WNK1: variants seen among roughly 807,000 people sequenced by gnomAD.
The protein encoded by WNK1 is serine/threonine-protein kinase WNK1.
A neutral mutation model predicts 222.8 loss-of-function variants in WNK1; 38 were observed. That is an observed-to-expected ratio of 0.17 (90% CI 0.13 to 0.22). WNK1 has a LOEUF of 0.22. Among genes scored for constraint, WNK1 ranks in the 10% least tolerant of loss-of-function variants. WNK1 has a pLI of 1.00. For missense variants in WNK1, 2,348 were observed against 2,918.4 expected (o/e 0.80, Z 4.50); for synonymous variants, 1,090 against 1,092.9 (o/e 1.00, Z 0.05).
chr12:758,076 T>C (rs1940441678), intron 1 of WNK1, among the ~76,000 whole-genome samples: 1 of 144,288 alleles, frequency 6.9e-6, no homozygotes, highest in Admixed American at 6.8e-5. Context: ...AAAGAAAACA[T>C]TGATGCACAG....
chr12:869,590 A>G (rs1347265196), intron 8 of WNK1, among the ~76,000 whole-genome samples: 2 of 152,312 alleles, frequency 1.3e-5, no homozygotes, highest in South Asian at 2.1e-4. Context: ...CAGAATTTTC[A>G]TTAGTGTCGA....
intron 4 of WNK1, among the ~76,000 whole-genome samples, chr12:837,442 C>T (rs1337392593): frequency 6.6e-6 from 1 of 151,724 alleles, no homozygotes. Context: ...TGCGCGGTGG[C>T]GGGCGCCTGT....
chr12:875,336 A>T (rs538105444), intron 9 of WNK1, among the ~76,000 whole-genome samples: 1 of 152,238 alleles, frequency 6.6e-6, no homozygotes, highest in African/African-American at 2.4e-5. Flanking sequence ...CTCATATTAC[A>T]GGGTTTTCAC....
chr12:883,704 T>C (rs1953390957), intron 16 of WNK1, 70 bp from the exon 17 acceptor site: 4 of 1,599,990 alleles, frequency 2.5e-6, no homozygotes, highest in African/African-American at 2.7e-5. Context: ...TCTTCACATG[T>C]GGCAGTTTGC....
chr12:877,647 C>T (rs1341424564), intron 9 of WNK1, among the ~76,000 whole-genome samples: 1 of 152,130 alleles, frequency 6.6e-6, no homozygotes, highest in Non-Finnish European at 1.5e-5. Flanking sequence ...AATAAGCAAT[C>T]TAAGGCATTA....
rs1324815566 is a variant in WNK1, at chr12:886,035, G to A, written c.5231G>A (p.Gly1744Glu). The change falls in exon 19 of 28, where the codon GGA (glycine) becomes GAA (glutamate). Residue 1744 changes from glycine to glutamate, a missense_variant. This residue lies in a region of WNK1 where 1,144 missense variants were observed against 1,273.6 expected (regional missense o/e 0.90). Transcript: ENST00000315939. ...ACCCCAGTCAGCACTACTACATCAG[G>A]AGTGAAACCTGGAACTGCTCCCTCC... ...VSTPVSTTTS[G>E]VKPGTAPSKP... 2 of 1,600,976 alleles carry A rather than the reference G, an allele frequency of 1.2e-6. No homozygotes were observed. The highest frequency in any genetic ancestry group is 1.7e-6 in the Non-Finnish European group (2 of 1,176,030).
rs747700724 is a variant in WNK1 at position 861,168 on chromosome 12, G to C, written c.1776G>C (p.Gln592His). 19 of 1,613,872 alleles carry C rather than the reference G, an allele frequency of 1.2e-5. No homozygotes were observed. The East Asian group carries it at 3.3e-4, about 28-fold the overall frequency. Residue 592 changes from glutamine (Q) to histidine (H), a missense_variant, in exon 7 of 28, where the codon CAG becomes CAC. By Grantham distance (24) the Gln-to-His change is conservative (BLOSUM62 0). Around this residue, in one of 13 missense-constraint regions of WNK1, gnomAD observed 103 missense variants for 111.5 expected, o/e 0.92. Coordinates refer to ENST00000315939, the MANE Select transcript of WNK1 (RefSeq NM_018979.4). ...KKQEESSLKQ[Q>H]VEQSSASQTG... ...AGGAAGAGAGCAGTCTCAAACAGCA[G>C]GTAGAACAATCCAGTGCTTCCCAGA... is the stretch of plus-strand genomic sequence containing the variant.
rs541717586 is a variant in WNK1, at chr12:861,997, G to A, written c.1952-86G>A. The A allele has an allele frequency of 2.3e-4, 338 of 1,472,090 alleles. 1 individual carries two copies. In the African/African-American group the frequency reaches 4.0e-3, roughly 17 times the overall value. 91.2% of individuals were successfully genotyped at this position (1,472,090 alleles called of 1,614,324 possible). ...AATAACTAGTTACCCCTAATATAAT[G>A]GGTCTAAATATGAGAAAATGTGAAC... is the stretch of plus-strand genomic sequence containing the variant. On this transcript the variant is annotated intron_variant, in intron 7 of 27. Transcript: ENST00000315939.
At chr12:759,960 G>A (rs1940790011) in intron 1 of WNK1, among the ~76,000 whole-genome samples, 1 of 148,192 alleles carries the variant, frequency 6.7e-6, no homozygotes, top group Admixed American at 6.7e-5. Context: ...TTGTCCTTTT[G>A]AGGGAATCTG....
intron 26 of WNK1, among the ~76,000 whole-genome samples, chr12:905,159 C>T (rs559134085): frequency 3.1e-4 from 47 of 152,210 alleles, no homozygotes; most frequent in African/African-American, 1.1e-3. Flanking sequence ...CTTATTAGGG[C>T]TTTTCAGAAG....
intron 1 of WNK1, among the ~76,000 whole-genome samples, chr12:792,969 G>A (rs984785183): frequency 3.9e-5 from 6 of 151,992 alleles, no homozygotes; most frequent in South Asian, 2.1e-4. Flanking sequence ...TGTAAAATGA[G>A]GGTAATGTTT....
intron 1 of WNK1, among the ~76,000 whole-genome samples, chr12:790,028 G>A (rs1172446636): frequency 6.6e-6 from 1 of 152,150 alleles, no homozygotes; most frequent in Non-Finnish European, 1.5e-5. Flanking sequence ...AGGAGATGGG[G>A]CTTGCTTTTC....
At position 827,002 on chromosome 12, in the gene WNK1, T is replaced by C; in HGVS notation, c.933-40T>C. 6.5e-7 allele frequency: 1 copy of C among 1,531,284 alleles called. No individual in the cohort carries two copies. 94.9% of individuals were successfully genotyped at this position (1,531,284 alleles called of 1,614,324 possible). On this transcript the variant is annotated intron_variant, in intron 2 of 27. Transcript: ENST00000315939. This position sits in a 1 kb window ranked among gnomAD's most constrained non-coding sequence, Gnocchi z 4.6. ...GGAATTCTTCAAAGCAACAAACTCCTATCATTGATAACTTGTTTGGTATAC... is the reference window on the plus strand; with the variant it reads ...GGAATTCTTCAAAGCAACAAACTCCCATCATTGATAACTTGTTTGGTATAC...
At position 885,361 on chromosome 12, in the gene WNK1, T is replaced by C. The variant is rs2154084323; in HGVS notation, c.4557T>C (p.Ala1519=). 1.9e-6 allele frequency: 3 copies of C among 1,613,970 alleles called. No homozygotes were observed. Among genetic ancestry groups the C allele is most frequent in the Middle Eastern group, 1.6e-4 (1 of 6,062 alleles). The change falls in exon 19 of 28, where the codon GCT becomes GCC. Residue 1519 remains alanine, a synonymous_variant. Coordinates refer to ENST00000315939, the MANE Select transcript of WNK1 (RefSeq NM_018979.4). Reference sequence around the variant, plus strand: ...GCAGTACTTCTACTCCTACTTTAGCTGAAACCGTGGTAGTTAGCGCACACT... The same window carrying C: ...GCAGTACTTCTACTCCTACTTTAGCCGAAACCGTGGTAGTTAGCGCACACT... ...LSSSTSTPTL[A]ETVVVSAHSL...
At position 884,486 on chromosome 12, in the gene WNK1, T is replaced by C. The variant is rs10849576; in HGVS notation, c.3845-163T>C. On this transcript the variant is annotated intron_variant, in intron 18 of 27. Transcript: ENST00000315939. This position sits in a 1 kb window ranked among gnomAD's most constrained non-coding sequence, Gnocchi z 5.6. ...AGTCTGTATAATAGATATTGTAGTA[T>C]GTGTTTATTTCTGCACTTAGTACTG... Among the ~76,000 whole-genome samples the C allele has an allele frequency of 1.3e-5, 2 of 151,986 alleles. No homozygotes were observed. The highest frequency in any genetic ancestry group is 1.3e-4 in the Admixed American group (2 of 15,270).
At position 884,671 on chromosome 12, in the gene WNK1, C is replaced by T. The variant is rs928984182; in HGVS notation, c.3867C>T (p.Ser1289=). The change falls in exon 19 of 28, where the codon AGC becomes AGT. Residue 1289 remains serine (S), a synonymous_variant. Transcript: ENST00000315939. The surrounding 1 kb of genome is among the most constrained non-coding windows in gnomAD (Gnocchi z 5.6). ...CAGTTGCTGCCTCTACAGCTCAGAG[C>T]CCTGGAATGAACTTGTCTCACTCTG... ...TDTVAASTAQ[S]PGMNLSHSAS... is the part of the protein sequence containing the mutation. 1 of 1,614,134 alleles carries T rather than the reference C, an allele frequency of 6.2e-7. No homozygotes were observed. The highest frequency in any genetic ancestry group is 8.5e-7 in the Non-Finnish European group (1 of 1,180,008).
intron 24 of WNK1, 71 bp from the exon 25 acceptor site, chr12:897,408 A>G: frequency 1.0e-6 from 1 of 989,222 alleles, no homozygotes; most frequent in South Asian, 1.3e-5. Flanking sequence ...AGGTTTAGGA[A>G]TATGCTGTTA....
intron 26 of WNK1, chr12:901,422 G>C: frequency 2.5e-6 from 1 of 399,576 alleles, no homozygotes; most frequent in South Asian, 2.4e-5. Flanking sequence ...TTACATATCT[G>C]ACCTTCCCCC....
chr12:794,069 T>C lies in WNK1; in HGVS notation c.760-19573T>C, dbSNP rs1255032652. Among the ~76,000 whole-genome samples the C allele has an allele frequency of 2.6e-5, 4 of 152,208 alleles. No individual in the cohort carries two copies. The East Asian group carries it at 7.7e-4, about 29-fold the overall frequency. ...CTCAGTGTAATGTTTTTAATGTTCATCCATGTTATAGCATGGATCAGCACT... is the reference window on the plus strand; with the variant it reads ...CTCAGTGTAATGTTTTTAATGTTCACCCATGTTATAGCATGGATCAGCACT... On this transcript the variant is annotated intron_variant, in intron 1 of 27. Transcript: ENST00000315939.
Sources: allele counts gnomAD v4.1 joint callset (sites outside exome capture counted in the v4.1 genomes callset), GRCh38; gene constraint gnomAD v4.1.1; regional missense constraint gnomAD v4.1.1; non-coding constraint Gnocchi (gnomAD v3.1); transcripts MANE v1.5; gene names NCBI Gene and HGNC (gene_info 2026-07-23, HGNC 2026-07-21).